NT5DC3: variants seen among roughly 807,000 people sequenced by gnomAD.
The protein encoded by NT5DC3 is 5'-nucleotidase domain containing 3.
In NT5DC3, 42 loss-of-function variants were observed where a neutral mutation model predicts 67.8. The observed-to-expected ratio is 0.62, with a 90% confidence interval of 0.48 to 0.80. The LOEUF is 0.80. Ranked by LOEUF, NT5DC3 falls within the 30% of genes least tolerant of loss-of-function variation. The pLI, the probability that NT5DC3 is intolerant of heterozygous loss-of-function variation, is 0.00. For missense variants in NT5DC3, 570 were observed against 696.4 expected (o/e 0.82, Z 2.04); for synonymous variants, 237 against 255.6 (o/e 0.93, Z 0.69).
intron 2 of NT5DC3, 93 bp from the exon 3 acceptor site, chr12:103,807,022 T>A: frequency 1.4e-6 from 1 of 740,332 alleles, no homozygotes; most frequent in Non-Finnish European, 2.4e-6. Flanking sequence ...CTGAGGTAGT[T>A]GATACACCAG....
At position 103,773,462 on chromosome 12, in the gene NT5DC3, T is replaced by G. The variant is rs1885240484; in HGVS notation, c.*4367A>C. ...TTTGAGCTAAGCTCCTAAATGACAC[T>G]AGTAGTGTCAAAGATTACTGTTACT... On this transcript the variant is annotated 3_prime_UTR_variant, in exon 14 of 14. Coordinates refer to ENST00000392876, the MANE Select transcript of NT5DC3 (RefSeq NM_001031701.3). 1 of 152,148 alleles carries G rather than the reference T, an allele frequency of 6.6e-6. No homozygotes were observed. The highest frequency in any genetic ancestry group is 1.5e-5 in the Non-Finnish European group (1 of 68,014). The allele number at this position is 152,148 out of a possible 1,614,324, so 9.4% of individuals were successfully genotyped here.
At chr12:103,809,629 T>G (rs962915333) in intron 2 of NT5DC3, among the ~76,000 whole-genome samples, 1 of 152,142 alleles carries the variant, frequency 6.6e-6, no homozygotes, top group African/African-American at 2.4e-5. Flanking sequence ...GAACTCGGCT[T>G]TATAACACCA....
At chr12:103,771,565 G>A (rs1885182123), downstream of NT5DC3, among the ~76,000 whole-genome samples, 1 of 152,084 alleles carries the variant, frequency 6.6e-6, no homozygotes, top group Admixed American at 6.6e-5. Flanking sequence ...CCCCATCACT[G>A]CAAAACCCAA....
At chr12:103,752,821 T>C in the NT5DC3 span, among the ~76,000 whole-genome samples, 10 of 152,168 alleles carry the variant, frequency 6.6e-5, no homozygotes, top group East Asian at 1.9e-4. Context: ...ATTTAGAGTA[T>C]ATATAACATG....
intron 1 of NT5DC3, among the ~76,000 whole-genome samples, chr12:103,821,670 G>A (rs1405310808): frequency 3.9e-5 from 6 of 152,148 alleles, no homozygotes; most frequent in African/African-American, 7.2e-5. Context: ...AGATGTCAAC[G>A]GGAAAGAGTT....
intron 4 of NT5DC3, among the ~76,000 whole-genome samples, chr12:103,801,372 C>CTTTTTTTTTT (rs869237844): frequency 2.5e-5 from 2 of 78,938 alleles, no homozygotes; most frequent in African/African-American, 1.1e-4. Flanking sequence ...TTGGGGTGGG[C>CTTTTTTTTTT]TTTTTTTTTT....
downstream of NT5DC3, chr12:103,766,371 G>A: frequency 1.9e-6 from 3 of 1,580,400 alleles, no homozygotes; most frequent in Non-Finnish European, 2.6e-6. Context: ...ATCACTCACT[G>A]CCACCTGGGC....
intron 2 of NT5DC3, among the ~76,000 whole-genome samples, chr12:103,811,299 C>G (rs1887021880): frequency 6.6e-6 from 1 of 152,014 alleles, no homozygotes; most frequent in South Asian, 2.1e-4. Context: ...GGCGGGGAAG[C>G]AAGCCGGGAG....
chr12:103,840,779 C>T (rs1888383916), intron 1 of NT5DC3, among the ~76,000 whole-genome samples, 170 bp downstream of exon 1: 2 of 152,148 alleles, frequency 1.3e-5, no homozygotes, highest in South Asian at 4.1e-4. Flanking sequence ...TTCCCCGAGT[C>T]GCTCCGCAGG....
chr12:103,748,605 TACACACACACACAC>T, the NT5DC3 span, among the ~76,000 whole-genome samples: 1,606 of 141,658 alleles, frequency 0.011, 17 homozygotes, highest in East Asian at 0.044. Flanking sequence ...CACACACACA[TACACACACACACAC>T]ACACACACAC....
At chr12:103,785,626 A>G in intron 11 of NT5DC3, 151 bp from the exon 12 acceptor site, 1 of 807,816 alleles carries the variant, frequency 1.2e-6, no homozygotes, top group South Asian at 1.5e-5. Flanking sequence ...ATTACATTTA[A>G]TTAAAACCTA....
chr12:103,763,484 CCAAA>C, the NT5DC3 span: 3 of 1,613,276 alleles, frequency 1.9e-6, no homozygotes, highest in Non-Finnish European at 2.5e-6. Context: ...GCTTGTCTTT[CCAAA>C]CAGTCGGAAG....
Position 103,836,857 on chromosome 12 carries a change from T to G in NT5DC3, c.208+4092A>C, listed in dbSNP as rs1024867384. Among the ~76,000 whole-genome samples, 12 of 152,272 alleles carry G rather than the reference T, an allele frequency of 7.9e-5. 1 individual carries two copies. The highest frequency in any genetic ancestry group is 1.9e-4 in the East Asian group (1 of 5,178). On this transcript the variant is annotated intron_variant, in intron 1 of 13. Coordinates refer to ENST00000392876, the MANE Select transcript of NT5DC3 (RefSeq NM_001031701.3). ...TGGGCGTCGAATGTCTGTCTGTGGCTTCTGCAGGTGCAAGCTGTCGGTGGA... is the reference window on the plus strand; with the variant it reads ...TGGGCGTCGAATGTCTGTCTGTGGCGTCTGCAGGTGCAAGCTGTCGGTGGA...
intron 2 of NT5DC3, among the ~76,000 whole-genome samples, chr12:103,813,218 G>T (rs1887109467): frequency 1.3e-5 from 2 of 152,258 alleles, no homozygotes; most frequent in Admixed American, 1.3e-4. Context: ...TTAGGGGGTA[G>T]TGAACAGATG....
intron 1 of NT5DC3, among the ~76,000 whole-genome samples, chr12:103,822,665 G>A (rs1041728107): frequency 2.0e-5 from 3 of 152,158 alleles, no homozygotes; most frequent in Non-Finnish European, 4.4e-5. Context: ...TTCTTGTTTT[G>A]TCTGTAATAA....
chr12:103,813,881 G>A (rs879930348), intron 2 of NT5DC3, among the ~76,000 whole-genome samples: 20 of 152,196 alleles, frequency 1.3e-4, no homozygotes, highest in Non-Finnish European at 2.5e-4. Context: ...ATATAAAATA[G>A]TAGTTTGCAT....
chr12:103,797,935 G>A (rs951906065), intron 5 of NT5DC3, among the ~76,000 whole-genome samples: 6 of 152,120 alleles, frequency 3.9e-5, no homozygotes, highest in Non-Finnish European at 5.9e-5. Context: ...CCTATGCAAA[G>A]CCTGTTTTAT....
At chr12:103,785,751 T>TTA in intron 11 of NT5DC3, 3 of 363,510 alleles carry the variant, frequency 8.3e-6, no homozygotes, top group South Asian at 5.6e-5. Flanking sequence ...CCATGGTCTG[T>TTA]AAAAAAAAAA....
intron 4 of NT5DC3, among the ~76,000 whole-genome samples, chr12:103,804,111 T>C (rs1372180217): frequency 6.6e-6 from 1 of 152,150 alleles, no homozygotes; most frequent in Non-Finnish European, 1.5e-5. Context: ...ACAGTGCCTG[T>C]CCCATAGCAA....
Sources: gnomAD v4.1 joint callset for allele counts (sites outside exome capture counted in the v4.1 genomes callset) on GRCh38, gnomAD v4.1.1 for gene constraint, MANE v1.5 for transcripts, NCBI Gene and HGNC (gene_info 2026-07-23, HGNC 2026-07-21) for gene names.